Variants in HELZ2 observed in about 807,000 individuals in gnomAD.
The protein encoded by HELZ2 is 3'-5' exoribonuclease HELZ2.
HELZ2 carries 143 observed loss-of-function variants against 208.8 expected under a neutral mutation model. The observed-to-expected ratio is 0.68, with a 90% confidence interval of 0.60 to 0.79. HELZ2 has a LOEUF of 0.79. Among genes scored for constraint, HELZ2 ranks in the 30% least tolerant of loss-of-function variants. The pLI is 0.00. For missense variants in HELZ2, 3,690 were observed against 3,794.5 expected, an observed-to-expected ratio of 0.97 and a Z score of 0.72; for synonymous variants, 1,705 against 1,693.7, an observed-to-expected ratio of 1.01 and a Z score of -0.16.
At chr20:63,568,284 G>C (rs376034638) in intron 5 of HELZ2, 74 bp downstream of exon 6, 31 of 1,145,906 alleles carry the variant, frequency 2.7e-5, no homozygotes, top group Non-Finnish European at 3.1e-5. Flanking sequence ...GCACATCCAG[G>C]GGGTGACCGC....
rs111418552 is a variant in HELZ2 at position 63,568,912 on chromosome 20, G to A, written c.1176C>T (p.Tyr392=). The A allele has an allele frequency of 9.2e-4, 1,480 of 1,610,486 alleles. 2 individuals are homozygous for A. The highest frequency in any genetic ancestry group is 1.1e-3 in the Non-Finnish European group (1,323 of 1,179,924). ...GGGAGGAGGGGACGGGGACCTCTGC[G>A]TACAGTGCTCCCGGAGGCGCGAAGA... Residue 392 remains tyrosine, a synonymous_variant, in exon 5 of 19, where the codon TAC becomes TAT. Coordinates refer to ENST00000467148, the Ensembl canonical transcript of HELZ2.
chr20:63,564,736 C>A, exon 8 of HELZ2: 1 of 1,611,380 alleles, frequency 6.2e-7, no homozygotes, highest in Admixed American at 1.7e-5. Flanking sequence ...ACCTGGGACC[C>A]AGGTCTCGGA....
chr20:63,566,302 C>T lies in HELZ2; in HGVS notation c.2591-71G>A, dbSNP rs559053409. ...GGGACCAGCCCCACCCCTGCCGATG[C>T]CAGGCTGAGGAGTGGGCCGAGCCAC... On this transcript the variant is annotated intron_variant, in intron 7 of 18. Coordinates refer to ENST00000467148, the Ensembl canonical transcript of HELZ2. 19 of 1,507,466 alleles carry T rather than the reference C, an allele frequency of 1.3e-5. No homozygotes were observed. The Admixed American group carries it at 2.0e-4, about 16-fold the overall frequency. 93.4% of individuals were successfully genotyped at this position (1,507,466 alleles called of 1,614,324 possible). A position where few individuals can be genotyped will look rare whatever the true frequency, so the allele number is the denominator to read the frequency against.
At chr20:63,562,739 C>G in exon 8 of HELZ2, 1 of 1,603,658 alleles carries the variant, frequency 6.2e-7, no homozygotes, top group Non-Finnish European at 8.5e-7. Flanking sequence ...AGGGCCGAGG[C>G]TGCTGGGCCC....
chr20:63,567,319 G>C (rs1233123660), exon 6 of HELZ2: 1 of 1,609,312 alleles, frequency 6.2e-7, no homozygotes, highest in African/African-American at 1.3e-5. Flanking sequence ...ATAGGCCAGC[G>C]GGGTGAGGGC....
exon 14 of HELZ2, chr20:63,561,086 T>C: frequency 6.2e-7 from 1 of 1,610,642 alleles, no homozygotes; most frequent in South Asian, 1.1e-5. Flanking sequence ...ACCAACCTTC[T>C]CGGCCTGTGG....
At chr20:63,567,117 G>A (rs375904179) in exon 6 of HELZ2, 25 of 1,611,618 alleles carry the variant, frequency 1.6e-5, no homozygotes, top group Admixed American at 3.3e-5. Context: ...TGACAATGGC[G>A]TCCGTGCAGC....
Position 63,561,811 on chromosome 20 carries a change from AC to A in HELZ2, c.6691+11del. 2 of 1,549,414 alleles carry A rather than the reference AC, an allele frequency of 1.3e-6. No homozygotes were observed. The highest frequency in any genetic ancestry group is 1.7e-6 in the Non-Finnish European group (2 of 1,145,726). On this transcript the variant is annotated intron_variant, in intron 11 of 18. Coordinates refer to ENST00000467148, the Ensembl canonical transcript of HELZ2. Reference sequence around the variant, plus strand: ...AGCTCCCCAAAGGCCCCCACCGCCGACCCCGGCGCACCTGCCAGGACATCCA... The same window carrying A: ...AGCTCCCCAAAGGCCCCCACCGCCGACCCGGCGCACCTGCCAGGACATCCA...
chr20:63,563,420 G>A (rs1228437069), exon 8 of HELZ2: 6 of 1,532,740 alleles, frequency 3.9e-6, no homozygotes, highest in Admixed American at 3.9e-5. Context: ...TCCCTGCGCT[G>A]AGTAGACACG....
At position 63,562,811 on chromosome 20, in the gene HELZ2, C is replaced by G. The variant is rs775047432; in HGVS notation, c.6011G>C (p.Ser2004Thr). 4 of 1,610,408 alleles carry G rather than the reference C, an allele frequency of 2.5e-6. No homozygotes were observed. In the Admixed American group the frequency reaches 6.7e-5, roughly 27 times the overall value. The stretch of plus-strand genomic sequence containing the variant: ...GAGCCGGATGCAGAGGTAGCAGCAG[C>G]TGAAGTTGATGTCGGCACAGTTCTC... The change falls in exon 8 of 19, where the codon AGC (serine) becomes ACC (threonine). Residue 2004 changes from serine to threonine, a missense_variant. Physicochemically the swap from Ser to Thr is moderately conservative, Grantham distance 58 (BLOSUM62 1). Around this residue, in one of 3 missense-constraint regions of HELZ2, gnomAD observed 2,564 missense variants for 2,580.5 expected, o/e 0.99. Coordinates refer to ENST00000467148, the Ensembl canonical transcript of HELZ2.
At position 63,559,840 on chromosome 20, in the gene HELZ2, TCAGGGTCAGG is replaced by T; in HGVS notation, c.7825+78_7825+87del. On this transcript the variant is annotated intron_variant, in intron 18 of 18. Transcript: ENST00000467148. ...GGGAGGAGTCAGGGTCAGGTCGGAG[TCAGGGTCAGG>T]CAGGAGTCGGCAGCTCCCTAGCCCA... 4 of 1,447,190 alleles carry T rather than the reference TCAGGGTCAGG, an allele frequency of 2.8e-6. No homozygotes were observed. In the Admixed American group the frequency reaches 7.3e-5, roughly 27 times the overall value. 89.6% of individuals were successfully genotyped at this position (1,447,190 alleles called of 1,614,324 possible).
At chr20:63,560,907 T>C (rs1394304668) in exon 15 of HELZ2, 22 of 1,612,886 alleles carry the variant, frequency 1.4e-5, no homozygotes, top group Admixed American at 5.0e-5. Context: ...CCGCAGCTGC[T>C]TGTGGTCTCC....
rs1217133126 is a variant in HELZ2, at chr20:63,561,102, G to C, written c.7126C>G (p.Gln2376Glu). 6.2e-7 allele frequency: 1 copy of C among 1,612,470 alleles called. No homozygotes were observed. Among genetic ancestry groups the C allele is most frequent in the East Asian group, 2.2e-5 (1 of 44,874 alleles). Residue 2376 changes from glutamine (Q) to glutamate (E), a missense_variant, in exon 14 of 19, where the codon CAG (glutamine) becomes GAG (glutamate). By Grantham distance (29) the Gln-to-Glu change is conservative. Around this residue, in one of 3 missense-constraint regions of HELZ2, gnomAD observed 2,564 missense variants for 2,580.5 expected, o/e 0.99. Coordinates refer to ENST00000467148, the Ensembl canonical transcript of HELZ2. ...CCAACCTTCTCGGCCTGTGGGAACT[G>C]CACCAGGGGGATGAGGGTTTCAGGT...
At chr20:63,566,999 C>A (rs761205795) in exon 6 of HELZ2, 34 of 1,610,768 alleles carry the variant, frequency 2.1e-5, no homozygotes, top group Non-Finnish European at 2.7e-5. Flanking sequence ...TCTGGGCTGC[C>A]CGCCACGTGG....
chr20:63,561,484 G>C lies in HELZ2; in HGVS notation c.6837-18C>G. On this transcript the variant is annotated intron_variant, in intron 12 of 18. Transcript: ENST00000467148. ...TGATGCTCCTGGGGGACAGGACACA[G>C]TGAGCCCTGTCCACGCAGGGCCATC... 2 of 1,595,826 alleles carry C rather than the reference G, an allele frequency of 1.3e-6. No homozygotes were observed. The highest frequency in any genetic ancestry group is 1.7e-6 in the Non-Finnish European group (2 of 1,170,750).
At chr20:63,574,180 T>C, upstream of HELZ2, 1 of 114,438 alleles carries the variant, frequency 8.7e-6, no homozygotes, top group African/African-American at 3.4e-5. Flanking sequence ...ACCCCCGCGC[T>C]CACCCTCCTG....
intron 3 of HELZ2, 50 bp downstream of exon 4, chr20:63,570,454 A>C: frequency 6.6e-7 from 1 of 1,505,562 alleles, no homozygotes. Flanking sequence ...GGCTGAAGTC[A>C]CCACTTCCCC....
chr20:63,565,721 A>C, exon 8 of HELZ2: 1 of 1,606,024 alleles, frequency 6.2e-7, no homozygotes, highest in Non-Finnish European at 8.5e-7. Flanking sequence ...CCCGGGCACC[A>C]CGTCTTCCTT....
Position 63,566,808 on chromosome 20 carries a change from T to C in HELZ2, c.2514+36A>G, listed in dbSNP as rs758921198. On this transcript the variant is annotated intron_variant, in intron 6 of 18. Transcript: ENST00000467148. ...AGAGCTCCCCCTCCCCCAGCAGGGG[T>C]GCGGTCGGGGGCTGTCCCGGGCTGG... 7 of 1,537,234 alleles carry C rather than the reference T, an allele frequency of 4.6e-6. No individual in the cohort carries two copies. In the South Asian group the frequency reaches 7.3e-5, roughly 16 times the overall value.
Sources: gnomAD v4.1 joint callset for allele counts on GRCh38, gnomAD v4.1.1 for gene constraint, gnomAD v4.1.1 regional missense constraint, MANE v1.5 for transcripts, NCBI Gene and HGNC (gene_info 2026-07-23, HGNC 2026-07-21) for gene names.